Variants in CD300LB observed in about 807,000 individuals in gnomAD.
The protein encoded by CD300LB is CMRF35-like molecule 7.
CD300LB carries 18 observed loss-of-function variants against 20.8 expected under a neutral mutation model. That is an observed-to-expected ratio of 0.87 (90% CI 0.60 to 1.28). The LOEUF (loss-of-function observed/expected upper bound fraction) is 1.28, where lower values mean the gene tolerates loss of function less well. Among genes scored for constraint, CD300LB ranks in the 50% most tolerant of loss-of-function variants. CD300LB has a pLI of 0.00. For synonymous variants in CD300LB, 91 were observed against 91.3 expected (o/e 1.00, Z 0.02); for missense variants, 222 against 251.8 (o/e 0.88, Z 0.80).
At chr17:74,526,925 A>G (rs1908053647) in intron 1 of CD300LB, among the ~76,000 whole-genome samples, 1 of 152,076 alleles carries the variant, frequency 6.6e-6, no homozygotes, top group Non-Finnish European at 1.5e-5. Context: ...CTCACCTGAC[A>G]AGCCTCCATG....
chr17:74,529,775 G>A (rs927758571), intron 1 of CD300LB, among the ~76,000 whole-genome samples: 1 of 152,220 alleles, frequency 6.6e-6, no homozygotes, highest in Non-Finnish European at 1.5e-5. Context: ...GGGTGACAGA[G>A]TGAAACTCCG....
chr17:74,531,270 C>A (rs754057747), intron 1 of CD300LB, 41 bp downstream of exon 1: 7 of 1,506,198 alleles, frequency 4.6e-6, no homozygotes, highest in Non-Finnish European at 5.3e-6. Context: ...TCCTGCCCTG[C>A]CCCTGTCATA....
Position 74,521,524 on chromosome 17 carries a change from A to C in CD300LB, c.*1214T>G. 1.0e-6 allele frequency: 1 copy of C among 985,492 alleles called. No homozygotes were observed. Among genetic ancestry groups the C allele is most frequent in the Non-Finnish European group, 1.2e-6 (1 of 829,958 alleles). 61.0% of individuals were successfully genotyped at this position (985,492 alleles called of 1,614,324 possible). A position where few individuals can be genotyped will look rare whatever the true frequency, so the allele number is the denominator to read the frequency against. On this transcript the variant is annotated 3_prime_UTR_variant, in exon 4 of 4. Coordinates refer to ENST00000392621, the MANE Select transcript of CD300LB (RefSeq NM_174892.4). ...TGGCCAGAGACCTAAATTCAGTTCAAAGTCAGAGAAAGTTTCTCTTTGGCT... is the reference window on the plus strand; with the variant it reads ...TGGCCAGAGACCTAAATTCAGTTCACAGTCAGAGAAAGTTTCTCTTTGGCT...
intron 1 of CD300LB, among the ~76,000 whole-genome samples, chr17:74,527,076 G>A (rs1020357689): frequency 6.6e-6 from 1 of 152,310 alleles, no homozygotes; most frequent in South Asian, 2.1e-4. Context: ...AGATTCCTTC[G>A]TTGCAGAATT....
chr17:74,526,075 A>G lies in CD300LB; in HGVS notation c.43T>C (p.Cys15Arg). The G allele has an allele frequency of 6.2e-7, 1 of 1,612,260 alleles. No homozygotes were observed. Among genetic ancestry groups the G allele is most frequent in the South Asian group, 1.1e-5 (1 of 91,020 alleles). The change falls in exon 2 of 4, where the codon TGT (cysteine) becomes CGT (arginine). Residue 15 changes from cysteine (C) to arginine (R), a missense_variant and splice_region_variant. Transcript: ENST00000392621. Reference protein sequence around the residue: ...PALLLLSLSGCFSIQGPESVR... With the variant: ...PALLLLSLSGRFSIQGPESVR... ...GACTCTGGGCCTTGGATGGAGAAAC[A>G]GCCTGGAAAACAGAATCCCAAGATA...
rs1907869505 is a variant in CD300LB, at chr17:74,521,242, T to G, written c.*1496A>C. On this transcript the variant is annotated 3_prime_UTR_variant, in exon 4 of 4. Coordinates refer to ENST00000392621, the MANE Select transcript of CD300LB (RefSeq NM_174892.4). Reference sequence around the variant, plus strand: ...CGGTGGGAAAAGAATGACATCACGTTGACAAGCGCCCATGTCCCCTCGCCC... The same window carrying G: ...CGGTGGGAAAAGAATGACATCACGTGGACAAGCGCCCATGTCCCCTCGCCC... The G allele has an allele frequency of 2.5e-6, 1 of 397,812 alleles. No individual in the cohort carries two copies. The highest frequency in any genetic ancestry group is 1.0e-4 in the South Asian group (1 of 9,588). The allele number at this position is 397,812 out of a possible 1,614,324, so 24.6% of individuals were successfully genotyped here.
Position 74,522,538 on chromosome 17 carries a change from G to A in CD300LB, c.*200C>T. 7.3e-7 allele frequency: 1 copy of A among 1,367,240 alleles called. No individual in the cohort carries two copies. The highest frequency in any genetic ancestry group is 1.7e-5 in the South Asian group (1 of 60,294). 84.7% of individuals were successfully genotyped at this position (1,367,240 alleles called of 1,614,324 possible). A position where few individuals can be genotyped will look rare whatever the true frequency, so the allele number is the denominator to read the frequency against. ...AACAGGTGCTGGCACCCCAGGAGGTGATGGTGGCTCAGGAGAGGACCTGGC... is the reference window on the plus strand; with the variant it reads ...AACAGGTGCTGGCACCCCAGGAGGTAATGGTGGCTCAGGAGAGGACCTGGC... On this transcript the variant is annotated 3_prime_UTR_variant, in exon 4 of 4. Transcript: ENST00000392621.
At chr17:74,525,714 C>T (rs2143072281) in intron 2 of CD300LB, 34 bp downstream of exon 2, 1 of 1,590,250 alleles carries the variant, frequency 6.3e-7, no homozygotes, top group South Asian at 1.1e-5. Context: ...CCCTGAGCTC[C>T]AGGGCCTCCT....
Position 74,522,344 on chromosome 17 carries a change from C to A in CD300LB, c.*394G>T, listed in dbSNP as rs1907905769. On this transcript the variant is annotated 3_prime_UTR_variant, in exon 4 of 4. Coordinates refer to ENST00000392621, the MANE Select transcript of CD300LB (RefSeq NM_174892.4). ...AACACGGATATATCAGGTTCTCAGG[C>A]AAAGACGGTGTTGAGTTGGTCTCCG... 5 of 999,220 alleles carry A rather than the reference C, an allele frequency of 5.0e-6. No individual in the cohort carries two copies. Among genetic ancestry groups the A allele is most frequent in the East Asian group, 1.1e-4 (1 of 9,500 alleles). The allele number at this position is 999,220 out of a possible 1,614,324, so 61.9% of individuals were successfully genotyped here.
At position 74,522,135 on chromosome 17, in the gene CD300LB, A is replaced by T; in HGVS notation, c.*603T>A. 1 of 985,298 alleles carries T rather than the reference A, an allele frequency of 1.0e-6. No homozygotes were observed. Among genetic ancestry groups the T allele is most frequent in the Non-Finnish European group, 1.2e-6 (1 of 829,916 alleles). The allele number at this position is 985,298 out of a possible 1,614,324, so 61.0% of individuals were successfully genotyped here. ...ACCGGGCCGGGCCAGGGAGGTTCCC[A>T]TTGCCTCCTCAGCCCTGTGGACTCA... On this transcript the variant is annotated 3_prime_UTR_variant, in exon 4 of 4. Transcript: ENST00000392621.
chr17:74,523,976 TA>T lies in CD300LB; in HGVS notation c.371-326del, dbSNP rs1167987680. On this transcript the variant is annotated intron_variant, in intron 2 of 3. Coordinates refer to ENST00000392621, the MANE Select transcript of CD300LB (RefSeq NM_174892.4). ...CAAGTGGGACTATTGGATGGGGAAA[TA>T]AATTTCTGGTCTTTTCCACTGGAGT... is the stretch of plus-strand genomic sequence containing the variant. Among the ~76,000 whole-genome samples, 4 of 152,220 alleles carry T rather than the reference TA, an allele frequency of 2.6e-5. No homozygotes were observed. The East Asian group carries it at 7.7e-4, about 29-fold the overall frequency.
rs1907873962 is a variant in CD300LB, at chr17:74,521,367, G to A, written c.*1371C>T. On this transcript the variant is annotated 3_prime_UTR_variant, in exon 4 of 4. Transcript: ENST00000392621. ...CGGATCTTCGGGAAGCTGGATCCAG[G>A]AAAGCATTCCAGGAGGTAGGGCCCT... The A allele has an allele frequency of 1.0e-6, 1 of 985,468 alleles. No individual in the cohort carries two copies. Among genetic ancestry groups the A allele is most frequent in the Non-Finnish European group, 1.2e-6 (1 of 830,058 alleles). 61.0% of individuals were successfully genotyped at this position (985,468 alleles called of 1,614,324 possible).
Position 74,525,972 on chromosome 17 carries a change from C to T in CD300LB, c.146G>A (p.Trp49Ter), listed in dbSNP as rs1171538295. Residue 49 changes from tryptophan to a stop codon, truncating the protein, a stop_gained, in exon 2 of 4, where the codon TGG becomes TAG. Transcript: ENST00000392621. LOFTEE classifies it high-confidence loss of function. The stretch of plus-strand genomic sequence containing the variant: ...TGTATCCCAGCGCACCCCTCGGCAC[C>T]ACCACTTAATGTAGGTCTCCCATCC... ...KQGWETYIKW[W>*]CRGVRWDTCK... The T allele has an allele frequency of 6.2e-7, 1 of 1,614,162 alleles. No homozygotes were observed. The highest frequency in any genetic ancestry group is 8.5e-7 in the Non-Finnish European group (1 of 1,180,038).
chr17:74,521,265 C>G lies in CD300LB; in HGVS notation c.*1473G>C. On this transcript the variant is annotated 3_prime_UTR_variant, in exon 4 of 4. Transcript: ENST00000392621. ...GTTGACAAGCGCCCATGTCCCCTCG[C>G]CCCTGAGTCCAGCTGGTGAAGCACC... The G allele has an allele frequency of 1.4e-6, 1 of 721,056 alleles. No individual in the cohort carries two copies. Among genetic ancestry groups the G allele is most frequent in the African/African-American group, 1.9e-5 (1 of 52,104 alleles). The allele number at this position is 721,056 out of a possible 1,614,324, so 44.7% of individuals were successfully genotyped here.
intron 1 of CD300LB, among the ~76,000 whole-genome samples, chr17:74,530,511 C>T (rs1253225519): frequency 6.6e-6 from 1 of 151,618 alleles, no homozygotes; most frequent in Non-Finnish European, 1.5e-5. Context: ...ATGAATCCAC[C>T]ATTCTTTCTA....
intron 2 of CD300LB, among the ~76,000 whole-genome samples, chr17:74,525,129 T>C (rs1452369574): frequency 1.3e-5 from 2 of 152,122 alleles, no homozygotes; most frequent in Admixed American, 6.5e-5. Flanking sequence ...AGCAGCAGGA[T>C]GACCCCAGAG....
intron 1 of CD300LB, among the ~76,000 whole-genome samples, chr17:74,530,840 G>C (rs1247821326): frequency 6.6e-6 from 1 of 151,450 alleles, no homozygotes; most frequent in East Asian, 1.9e-4. Flanking sequence ...AGGTCCCACT[G>C]TATCACCCAG....
Position 74,525,918 on chromosome 17 carries a change from G to T in CD300LB, c.200C>A (p.Ser67Ter). 1.9e-6 allele frequency: 3 copies of T among 1,613,968 alleles called. No homozygotes were observed. Among genetic ancestry groups the T allele is most frequent in the Non-Finnish European group, 8.5e-7 (1 of 1,179,992 alleles). The change falls in exon 2 of 4, where the codon TCG becomes TAG. Residue 67 changes from serine to a stop codon, truncating the protein, a stop_gained. Transcript: ENST00000392621. LOFTEE classifies it high-confidence loss of function. Reference sequence around the variant, plus strand: ...ACGGTCACTCTTCTCTCCTTGCTCCGACCCTCTGGTTTCAATGAGGATCTT... The same window carrying T: ...ACGGTCACTCTTCTCTCCTTGCTCCTACCCTCTGGTTTCAATGAGGATCTT... ...TCKILIETRG[S>*]EQGEKSDRVS...
chr17:74,523,450 G>T, intron 3 of CD300LB, 129 bp downstream of exon 3: 1 of 713,870 alleles, frequency 1.4e-6, no homozygotes, highest in Non-Finnish European at 2.6e-6. Context: ...AGAGATGGAG[G>T]GTGGGCTTGG....
Sources: allele counts gnomAD v4.1 joint callset (sites outside exome capture counted in the v4.1 genomes callset), GRCh38; gene constraint gnomAD v4.1.1; transcripts MANE v1.5; gene names NCBI Gene and HGNC (gene_info 2026-07-23, HGNC 2026-07-21).